EFNA5: variants seen among roughly 807,000 people sequenced by gnomAD.
EFNA5 encodes the protein ephrin-A5.
In EFNA5, 5 loss-of-function variants were observed where a neutral mutation model predicts 22.9. The observed-to-expected ratio is 0.22, with a 90% CI of 0.11 to 0.46. The LOEUF is 0.46. EFNA5 is among the 20% of genes least tolerant of loss of function. The pLI, the probability that EFNA5 is intolerant of heterozygous loss-of-function variation, is 0.99. For missense variants in EFNA5, 237 were observed against 293.3 expected, an observed-to-expected ratio of 0.81 and a Z score of 1.40; for synonymous variants, 113 against 112.2, an observed-to-expected ratio of 1.01 and a Z score of -0.04.
intron 1 of EFNA5, among the ~76,000 whole-genome samples, chr5:107,479,406 A>G (rs1275274279): frequency 6.6e-6 from 1 of 152,110 alleles, no homozygotes; most frequent in Non-Finnish European, 1.5e-5. Flanking sequence ...TTTTCTTGTC[A>G]GGTTTCAATT....
At chr5:107,402,577 G>A (rs1006027137) in intron 2 of EFNA5, among the ~76,000 whole-genome samples, 2 of 152,118 alleles carry the variant, frequency 1.3e-5, no homozygotes, top group African/African-American at 4.8e-5. Context: ...TCCCTACAAC[G>A]TGCTGTTGCC....
intron 1 of EFNA5, among the ~76,000 whole-genome samples, chr5:107,508,283 C>T (rs973375721): frequency 1.2e-4 from 19 of 152,182 alleles, no homozygotes. Flanking sequence ...GTTAGAATAG[C>T]ATCCACCTTC....
intron 1 of EFNA5, among the ~76,000 whole-genome samples, chr5:107,654,276 T>C (rs1438516969): frequency 1.3e-5 from 2 of 152,142 alleles, no homozygotes; most frequent in Non-Finnish European, 2.9e-5. Flanking sequence ...GACATAAATA[T>C]AGACAGACCT....
chr5:107,537,151 A>G (rs920035503), intron 1 of EFNA5, among the ~76,000 whole-genome samples: 7 of 152,126 alleles, frequency 4.6e-5, no homozygotes, highest in Non-Finnish European at 8.8e-5. Flanking sequence ...ACTAATCAAC[A>G]ATTAGCAACA....
chr5:107,381,456 C>T (rs1747458063), intron 4 of EFNA5, 80 bp from the exon 5 acceptor site: 1 of 1,466,022 alleles, frequency 6.8e-7, no homozygotes, highest in Non-Finnish European at 9.1e-7. Context: ...TGTTAACAGA[C>T]CTCGCCACCC....
At chr5:107,556,356 C>A (rs1462332166) in intron 1 of EFNA5, among the ~76,000 whole-genome samples, 6 of 152,218 alleles carry the variant, frequency 3.9e-5, no homozygotes, top group African/African-American at 1.4e-4. Flanking sequence ...CAAAAACCTG[C>A]ACAAGTTATT....
chr5:107,592,077 A>ATT (rs1554068289), intron 1 of EFNA5, among the ~76,000 whole-genome samples: 2,649 of 84,740 alleles, frequency 0.031, 627 homozygotes, highest in African/African-American at 0.16. Flanking sequence ...AATAATAATA[A>ATT]ATTATTAATT....
At chr5:107,550,143 C>A (rs778466534) in intron 1 of EFNA5, among the ~76,000 whole-genome samples, 2 of 152,162 alleles carry the variant, frequency 1.3e-5, no homozygotes, top group Non-Finnish European at 2.9e-5. Flanking sequence ...CCACTAAATG[C>A]AGAGATGCTT....
At chr5:107,660,110 T>G (rs1304888729) in intron 1 of EFNA5, among the ~76,000 whole-genome samples, 1 of 151,440 alleles carries the variant, frequency 6.6e-6, no homozygotes. Flanking sequence ...CATTGTTCCC[T>G]TGATAGCTAT....
At chr5:107,571,722 G>A (rs1225113228) in intron 1 of EFNA5, among the ~76,000 whole-genome samples, 1 of 152,076 alleles carries the variant, frequency 6.6e-6, no homozygotes, top group East Asian at 1.9e-4. Flanking sequence ...CATACCCACT[G>A]GCAGGAACCA....
At chr5:107,660,019 C>T (rs762146716) in intron 1 of EFNA5, among the ~76,000 whole-genome samples, 2 of 151,666 alleles carry the variant, frequency 1.3e-5, no homozygotes, top group African/African-American at 2.4e-5. Flanking sequence ...TACCCACCCC[C>T]TCAACACACA....
intron 1 of EFNA5, among the ~76,000 whole-genome samples, chr5:107,471,372 T>C (rs1420728524): frequency 7.2e-5 from 11 of 152,174 alleles, no homozygotes; most frequent in African/African-American, 2.2e-4. Context: ...ATTACCTTCA[T>C]AGCCCACCAA....
chr5:107,458,502 G>A (rs1327377473), intron 1 of EFNA5, among the ~76,000 whole-genome samples: 2 of 151,852 alleles, frequency 1.3e-5, no homozygotes, highest in Admixed American at 6.6e-5. Flanking sequence ...TAGATAGGAT[G>A]GGCAGCATGA....
chr5:107,452,373 A>T (rs1749584329), intron 1 of EFNA5, among the ~76,000 whole-genome samples: 1 of 152,044 alleles, frequency 6.6e-6, no homozygotes. Context: ...AGCTGACATT[A>T]ATTTACAGAA....
chr5:107,517,747 C>G (rs977044911), intron 1 of EFNA5, among the ~76,000 whole-genome samples: 3 of 152,140 alleles, frequency 2.0e-5, no homozygotes, highest in African/African-American at 7.2e-5. Context: ...ACAAACGAAG[C>G]AGGCTACGTA....
chr5:107,545,087 G>A (rs1013389940), intron 1 of EFNA5, among the ~76,000 whole-genome samples: 3 of 152,174 alleles, frequency 2.0e-5, no homozygotes, highest in African/African-American at 4.8e-5. Context: ...GATGTCTACC[G>A]TCTAAAGCCC....
intron 1 of EFNA5, among the ~76,000 whole-genome samples, chr5:107,565,554 A>G (rs1037102331): frequency 6.6e-6 from 1 of 152,194 alleles, no homozygotes; most frequent in Non-Finnish European, 1.5e-5. Flanking sequence ...CTCCTACATT[A>G]TGTTTTCATC....
At chr5:107,639,296 T>C (rs1476207082) in intron 1 of EFNA5, among the ~76,000 whole-genome samples, 1 of 152,212 alleles carries the variant, frequency 6.6e-6, no homozygotes, top group Non-Finnish European at 1.5e-5. Context: ...TAAGATGACA[T>C]ATACCTGCTT....
At position 107,486,897 on chromosome 5, in the gene EFNA5, AGTG is replaced by A. The variant is rs201745351; in HGVS notation, c.126-59391_126-59389del. ...ATGAAAAGAATTTTAGGGTCTCCTC[AGTG>A]TATTTATACTTTAGTTTCCTTCCCC... On this transcript the variant is annotated intron_variant, in intron 1 of 4. Transcript: ENST00000333274. Among the ~76,000 whole-genome samples the A allele has an allele frequency of 1.8e-3, 269 of 152,320 alleles. 6 individuals carry two copies. In the East Asian group the frequency reaches 0.043, roughly 24 times the overall value.
Sources: allele counts gnomAD v4.1 joint callset (sites outside exome capture counted in the v4.1 genomes callset), GRCh38; gene constraint gnomAD v4.1.1; transcripts MANE v1.5; gene names NCBI Gene and HGNC (gene_info 2026-07-23, HGNC 2026-07-21).